The following RASA1 variants were observed in gnomAD, a reference collection of about 807,000 sequenced individuals.
RASA1 encodes the protein ras GTPase-activating protein 1.
In RASA1, 25 loss-of-function variants were observed where a neutral mutation model predicts 132.2. The ratio of observed to expected loss-of-function variants is 0.19; its 90% CI spans 0.14 to 0.26. RASA1 has a LOEUF of 0.26. Among genes scored for constraint, RASA1 ranks in the 10% least tolerant of loss-of-function variants. The probability of loss-of-function intolerance (pLI) is 1.00; values close to 1 mark genes in which losing one functional copy is unlikely to be tolerated. For synonymous variants in RASA1, 477 were observed against 449.9 expected (o/e 1.06, Z -0.76); for missense variants, 964 against 1,299.2 (o/e 0.74, Z 3.97).
At chr5:87,374,343 A>G in intron 14 of RASA1, 23 bp downstream of exon 14, 4 of 1,587,078 alleles carry the variant, frequency 2.5e-6, no homozygotes, top group Middle Eastern at 1.7e-4. Flanking sequence ...TTATCATTAC[A>G]TTAATCATTT....
intron 1 of RASA1, among the ~76,000 whole-genome samples, chr5:87,281,741 C>T (rs771408815): frequency 3.9e-4 from 60 of 152,078 alleles, no homozygotes; most frequent in African/African-American, 1.1e-3. Context: ...CCACCACGCC[C>T]GGCAAATTTT....
chr5:87,277,839 CT>C (rs1486156913), intron 1 of RASA1, among the ~76,000 whole-genome samples: 1 of 151,960 alleles, frequency 6.6e-6, no homozygotes, highest in Non-Finnish European at 1.5e-5. Flanking sequence ...TGACCTTTAT[CT>C]TTTTTGATTG....
chr5:87,332,263 T>C (rs1441421575), intron 2 of RASA1, among the ~76,000 whole-genome samples: 1 of 152,060 alleles, frequency 6.6e-6, no homozygotes, highest in African/African-American at 2.4e-5. Context: ...TTTGATGGAA[T>C]TCTGTAATTG....
chr5:87,349,188 A>G (rs780795367), intron 7 of RASA1, 26 bp from the exon 8 acceptor site: 11 of 1,609,664 alleles, frequency 6.8e-6, no homozygotes, highest in Non-Finnish European at 8.5e-6. Flanking sequence ...ATAATTAGGG[A>G]AAAACTAACA....
chr5:87,389,323 C>G, intron 23 of RASA1, 70 bp from the exon 24 acceptor site: 1 of 1,585,396 alleles, frequency 6.3e-7, no homozygotes, highest in East Asian at 2.3e-5. Context: ...AAGAGCGAAA[C>G]TCTGTCTCAA....
intron 1 of RASA1, among the ~76,000 whole-genome samples, chr5:87,301,419 C>A (rs944310012): frequency 2.7e-5 from 4 of 150,288 alleles, no homozygotes; most frequent in Non-Finnish European, 6.0e-5. Flanking sequence ...AGTGGGTGTA[C>A]CTGTGTAATC....
At chr5:87,383,495 A>G (rs1761867479) in intron 20 of RASA1, among the ~76,000 whole-genome samples, 1 of 152,134 alleles carries the variant, frequency 6.6e-6, no homozygotes, top group South Asian at 2.1e-4. Flanking sequence ...AAAAGTGAGT[A>G]ATACATTCAA....
At chr5:87,386,693 G>T (rs774192807) in intron 22 of RASA1, 133 bp from the exon 23 acceptor site, 13 of 732,064 alleles carry the variant, frequency 1.8e-5, no homozygotes, top group East Asian at 5.2e-5. Context: ...TACATGTATG[G>T]GTTTTGCTAT....
At chr5:87,365,103 G>A (rs778325629) in intron 11 of RASA1, among the ~76,000 whole-genome samples, 18 of 152,088 alleles carry the variant, frequency 1.2e-4, no homozygotes, top group Non-Finnish European at 2.9e-5. Context: ...GAAATAGGTG[G>A]CTCTTGATTC....
intron 9 of RASA1, among the ~76,000 whole-genome samples, chr5:87,358,808 T>C (rs1759851922): frequency 6.6e-6 from 1 of 152,176 alleles, no homozygotes; most frequent in Non-Finnish European, 1.5e-5. Flanking sequence ...TATTATTATT[T>C]GTAAATAAGC....
In RASA1 at chr5:87,390,668, G is replaced by A. The variant is rs374702121; in HGVS notation, c.3061-132G>A. On this transcript the variant is annotated intron_variant, in intron 24 of 24. Transcript: ENST00000274376. ...CAATGACTGAATAATAGAGACTTAT[G>A]TTTTGAGGGGAATTGTGGTAATATT... The A allele has an allele frequency of 4.5e-5, 34 of 761,286 alleles. No homozygotes were observed. The East Asian group carries it at 4.8e-4, about 11-fold the overall frequency. The allele number at this position is 761,286 out of a possible 1,614,324, so 47.2% of individuals were successfully genotyped here. A position where few individuals can be genotyped will look rare whatever the true frequency, so the allele number is the denominator to read the frequency against.
chr5:87,389,889 A>G (rs1762364693), intron 24 of RASA1, among the ~76,000 whole-genome samples: 1 of 152,040 alleles, frequency 6.6e-6, no homozygotes, highest in African/African-American at 2.4e-5. Context: ...GATATAGTGC[A>G]TGGCCAAAGT....
intron 5 of RASA1, among the ~76,000 whole-genome samples, chr5:87,338,536 A>ATATATATATATATATATATTTTTTT: frequency 1.2e-5 from 1 of 85,214 alleles, no homozygotes; most frequent in African/African-American, 4.4e-5. Context: ...TATATATAAA[A>ATATATATATATATATATATTTTTTT]TTTTTTTTTT....
chr5:87,293,954 C>T (rs1755011390), intron 1 of RASA1, among the ~76,000 whole-genome samples: 1 of 151,808 alleles, frequency 6.6e-6, no homozygotes, highest in African/African-American at 2.4e-5. Flanking sequence ...AGTAATTTGT[C>T]TTCTGTCTTT....
chr5:87,360,805 A>G (rs1760030324), intron 9 of RASA1, among the ~76,000 whole-genome samples: 1 of 152,158 alleles, frequency 6.6e-6, no homozygotes, highest in African/African-American at 2.4e-5. Flanking sequence ...CCATCATGAT[A>G]AGAGTCTAGA....
At chr5:87,386,640 G>A (rs1464612130) in intron 22 of RASA1, among the ~76,000 whole-genome samples, 186 bp from the exon 23 acceptor site, 1 of 152,016 alleles carries the variant, frequency 6.6e-6, no homozygotes, top group Non-Finnish European at 1.5e-5. Flanking sequence ...TAATTCTTGT[G>A]AATGTGTTGC....
At chr5:87,319,941 A>G (rs149662461) in intron 1 of RASA1, among the ~76,000 whole-genome samples, 73 of 152,326 alleles carry the variant, frequency 4.8e-4, no homozygotes, top group African/African-American at 1.4e-3. Context: ...ATATGAGCAT[A>G]TACTTTTAGA....
intron 4 of RASA1, among the ~76,000 whole-genome samples, chr5:87,334,527 A>G (rs1407634296): frequency 2.0e-5 from 3 of 152,226 alleles, no homozygotes; most frequent in Non-Finnish European, 4.4e-5. Flanking sequence ...TAGCCATCAC[A>G]GTCCATGAGA....
chr5:87,380,421 T>A (rs1448319187), intron 19 of RASA1, 88 bp from the exon 20 acceptor site: 4 of 1,153,526 alleles, frequency 3.5e-6, no homozygotes, highest in Non-Finnish European at 5.2e-6. Flanking sequence ...TGAACTGTGG[T>A]ATATTTGGGT....
Sources: gnomAD v4.1 joint callset for allele counts (sites outside exome capture counted in the v4.1 genomes callset) on GRCh38, gnomAD v4.1.1 for gene constraint, MANE v1.5 for transcripts, NCBI Gene and HGNC (gene_info 2026-07-23, HGNC 2026-07-21) for gene names.